L3MBTL3: variants seen among roughly 807,000 people sequenced by gnomAD.
L3MBTL3 encodes the protein L3MBTL histone methyl-lysine binding protein 3, also known as lethal(3)malignant brain tumor-like protein 3.
Under a neutral mutation model 102.3 loss-of-function variants are expected in L3MBTL3, and 27 were observed. The observed-to-expected ratio is 0.26, with a 90% CI of 0.19 to 0.36. The LOEUF (loss-of-function observed/expected upper bound fraction) is 0.36. L3MBTL3 is among the 10% of genes least tolerant of loss of function. The pLI, the probability that L3MBTL3 is intolerant of heterozygous loss-of-function variation, is 1.00. For missense variants in L3MBTL3, 798 were observed against 955.3 expected, an observed-to-expected ratio of 0.84 and a Z score of 2.17; for synonymous variants, 340 against 320.9, an observed-to-expected ratio of 1.06 and a Z score of -0.64.
In L3MBTL3 at chr6:130,104,933, G is replaced by T. The variant is rs535023273; in HGVS notation, c.1886+358G>T. Among the ~76,000 whole-genome samples, 152 of 152,220 alleles carry T rather than the reference G, an allele frequency of 1.0e-3. 1 individual carries two copies. Among genetic ancestry groups the T allele is most frequent in the Admixed American group, 5.4e-3 (82 of 15,294 alleles). On this transcript the variant is annotated intron_variant, in intron 19 of 22. Coordinates refer to ENST00000361794, the MANE Select transcript of L3MBTL3 (RefSeq NM_032438.4). ...AGAGTCAACCTTTATCAGTAAAGTAGTGGACTGGTGAAGAATGGACATTAT... is the reference window on the plus strand; with the variant it reads ...AGAGTCAACCTTTATCAGTAAAGTATTGGACTGGTGAAGAATGGACATTAT...
At chr6:130,064,249 C>T (rs1253682772) in intron 10 of L3MBTL3, among the ~76,000 whole-genome samples, 2 of 151,992 alleles carry the variant, frequency 1.3e-5, no homozygotes, top group Admixed American at 1.3e-4. Context: ...GAAAGGAAGG[C>T]TTGGGGTGAG....
chr6:130,109,439 G>T (rs975411157), intron 19 of L3MBTL3, among the ~76,000 whole-genome samples: 3 of 152,170 alleles, frequency 2.0e-5, no homozygotes, highest in African/African-American at 7.2e-5. Context: ...GTTTTGATTT[G>T]CATTTATCTA....
At chr6:130,040,750 C>T (rs1780367201) in intron 2 of L3MBTL3, among the ~76,000 whole-genome samples, 2 of 152,170 alleles carry the variant, frequency 1.3e-5, no homozygotes, top group African/African-American at 4.8e-5. Flanking sequence ...GTGAAAAAGG[C>T]ATTCCGTTAA....
intron 11 of L3MBTL3, among the ~76,000 whole-genome samples, chr6:130,067,087 T>C (rs896161850): frequency 1.3e-4 from 20 of 152,194 alleles, no homozygotes; most frequent in African/African-American, 3.6e-4. Flanking sequence ...ATAACAGATA[T>C]CGTCTTTTTC....
At chr6:130,061,189 A>G (rs550386864) in intron 10 of L3MBTL3, among the ~76,000 whole-genome samples, 27 of 147,640 alleles carry the variant, frequency 1.8e-4, no homozygotes, top group Non-Finnish European at 3.3e-4. Context: ...GGTTCAAGTG[A>G]TTCTCCTGCC....
At chr6:130,094,639 A>G (rs1226212569) in intron 18 of L3MBTL3, among the ~76,000 whole-genome samples, 1 of 152,112 alleles carries the variant, frequency 6.6e-6, no homozygotes, top group Non-Finnish European at 1.5e-5. Context: ...TAGTTTCTGC[A>G]GTAGTTATTT....
intron 20 of L3MBTL3, among the ~76,000 whole-genome samples, chr6:130,129,277 T>A (rs1047902588): frequency 4.6e-5 from 7 of 152,164 alleles, no homozygotes; most frequent in African/African-American, 1.7e-4. Context: ...ACTGAGAAAA[T>A]TTTTTAAAAG....
intron 13 of L3MBTL3, among the ~76,000 whole-genome samples, chr6:130,071,976 A>T (rs572388993): frequency 6.6e-6 from 1 of 152,264 alleles, no homozygotes; most frequent in South Asian, 2.1e-4. Context: ...TCATATTTTT[A>T]AAATGCTTTC....
chr6:130,084,246 C>T (rs1783536822), intron 15 of L3MBTL3, among the ~76,000 whole-genome samples: 1 of 152,068 alleles, frequency 6.6e-6, no homozygotes, highest in Non-Finnish European at 1.5e-5. Flanking sequence ...AACCTCATTT[C>T]TATGCAAGGA....
In L3MBTL3 at chr6:130,064,075, G is replaced by T. The variant is rs572250552; in HGVS notation, c.865-2278G>T. 3.3e-5 allele frequency among the ~76,000 whole-genome samples: 5 copies of T among 152,312 alleles called. 1 individual carries two copies. In the South Asian group the frequency reaches 1.0e-3, roughly 32 times the overall value. ...AGTATGTGAATAATGAAGACTGGCG[G>T]TATGTCATTTTTTCCTTCCCATCAC... On this transcript the variant is annotated intron_variant, in intron 10 of 22. Coordinates refer to ENST00000361794, the MANE Select transcript of L3MBTL3 (RefSeq NM_032438.4).
intron 19 of L3MBTL3, among the ~76,000 whole-genome samples, chr6:130,111,980 A>G (rs1227194676): frequency 6.6e-6 from 1 of 152,042 alleles, no homozygotes; most frequent in Non-Finnish European, 1.5e-5. Flanking sequence ...TTTTCAACCT[A>G]TGCTTCAGCC....
intron 18 of L3MBTL3, among the ~76,000 whole-genome samples, chr6:130,094,640 G>A (rs1377850131): frequency 6.6e-6 from 1 of 152,016 alleles, no homozygotes; most frequent in African/African-American, 2.4e-5. Context: ...AGTTTCTGCA[G>A]TAGTTATTTT....
At chr6:130,090,893 T>G (rs1037442527) in intron 16 of L3MBTL3, among the ~76,000 whole-genome samples, 3 of 152,186 alleles carry the variant, frequency 2.0e-5, no homozygotes, top group Non-Finnish European at 2.9e-5. Flanking sequence ...GGCCTCAAAT[T>G]TATTGTCTTT....
At chr6:130,085,847 G>A (rs1783650748) in intron 15 of L3MBTL3, among the ~76,000 whole-genome samples, 2 of 151,896 alleles carry the variant, frequency 1.3e-5, no homozygotes, top group African/African-American at 4.8e-5. Flanking sequence ...CCACCTCCTG[G>A]GCTAAAGCAA....
intron 18 of L3MBTL3, among the ~76,000 whole-genome samples, chr6:130,101,708 T>C (rs929646958): frequency 6.6e-6 from 1 of 152,204 alleles, no homozygotes; most frequent in African/African-American, 2.4e-5. Context: ...GTGTTGCTTG[T>C]ACCCTGCTTC....
rs1271468047 is a variant in L3MBTL3, at chr6:130,018,674, G to A, written c.-95+10G>A. The stretch of plus-strand genomic sequence containing the variant: ...AAGAGAAAATTTGGGGGTAAGAAGC[G>A]GTTGATCGGATCTAATCTCTAATTA... On this transcript the variant is annotated intron_variant, in intron 1 of 22. Coordinates refer to ENST00000361794, the MANE Select transcript of L3MBTL3 (RefSeq NM_032438.4). The A allele has an allele frequency of 6.5e-6, 1 of 152,972 alleles. No homozygotes were observed. Among genetic ancestry groups the A allele is most frequent in the African/African-American group, 2.4e-5 (1 of 41,458 alleles). The allele number at this position is 152,972 out of a possible 1,614,324, so 9.5% of individuals were successfully genotyped here.
chr6:130,085,149 C>G (rs945719432), intron 15 of L3MBTL3, among the ~76,000 whole-genome samples: 1 of 152,054 alleles, frequency 6.6e-6, no homozygotes, highest in South Asian at 2.1e-4. Context: ...TTTCTTATAC[C>G]CATTTTACAG....
At chr6:130,112,187 A>G (rs116804673) in intron 19 of L3MBTL3, among the ~76,000 whole-genome samples, 1 of 152,292 alleles carries the variant, frequency 6.6e-6, no homozygotes, top group African/African-American at 2.4e-5. Flanking sequence ...GTTCTTGGGT[A>G]AACACCTCTG....
At chr6:130,136,585 A>G (rs1010601264) in intron 22 of L3MBTL3, among the ~76,000 whole-genome samples, 1 of 150,856 alleles carries the variant, frequency 6.6e-6, no homozygotes, top group African/African-American at 2.4e-5. Flanking sequence ...CTGCCCATTC[A>G]TCTTCCTAGT....
Sources: allele counts gnomAD v4.1 joint callset (sites outside exome capture counted in the v4.1 genomes callset), GRCh38; gene constraint gnomAD v4.1.1; transcripts MANE v1.5; gene names NCBI Gene and HGNC (gene_info 2026-07-23, HGNC 2026-07-21).